Variants in ANK2 observed in about 807,000 individuals in gnomAD.
ANK2 encodes the protein ankyrin-2.
A neutral mutation model predicts 360.5 loss-of-function variants in ANK2; 83 were observed. The observed-to-expected ratio is 0.23, with a 90% CI of 0.19 to 0.28. The LOEUF (loss-of-function observed/expected upper bound fraction) is 0.28, where lower values mean the gene tolerates loss of function less well. ANK2 is among the 10% of genes least tolerant of loss of function. ANK2 has a pLI of 1.00. For missense variants in ANK2, 4,201 were observed against 4,795.7 expected, an observed-to-expected ratio of 0.88 and a Z score of 3.66; for synonymous variants, 1,740 against 1,759.5, an observed-to-expected ratio of 0.99 and a Z score of 0.28.
At chr4:113,170,858 G>T (rs570415555) in intron 1 of ANK2, among the ~76,000 whole-genome samples, 1 of 152,238 alleles carries the variant, frequency 6.6e-6, no homozygotes, top group East Asian at 1.9e-4. Context: ...TATAAAGGGG[G>T]CAAGTTTTAA....
At position 112,998,790 on chromosome 4, in the gene ANK2, G is replaced by A. The variant is rs149342473; in HGVS notation, c.21+94276G>A. 2.4e-4 allele frequency among the ~76,000 whole-genome samples: 37 copies of A among 152,246 alleles called. 1 individual carries two copies. In the East Asian group the frequency reaches 3.9e-3, roughly 16 times the overall value. ...AAATAAGCATATAGTACACAGCATTGCCTAAACATGTTTGATCACAGCACC... is the reference window on the plus strand; with the variant it reads ...AAATAAGCATATAGTACACAGCATTACCTAAACATGTTTGATCACAGCACC... On this transcript the variant is annotated intron_variant, in intron 2 of 30. Transcript: ENST00000503271.
intron 2 of ANK2, among the ~76,000 whole-genome samples, chr4:112,954,665 A>C (rs1255724960): frequency 6.6e-6 from 1 of 152,220 alleles, no homozygotes; most frequent in Non-Finnish European, 1.5e-5. Flanking sequence ...TAAATAAATA[A>C]GAATAGCAAA....
At chr4:112,799,705 C>G in the ANK2 span, among the ~76,000 whole-genome samples, 1 of 151,730 alleles carries the variant, frequency 6.6e-6, no homozygotes, top group Non-Finnish European at 1.5e-5. Flanking sequence ...TTAGTAGAGA[C>G]AGGGTTTTGC....
At chr4:113,260,178 C>T (rs990856899) in intron 13 of ANK2, among the ~76,000 whole-genome samples, 13 of 152,248 alleles carry the variant, frequency 8.5e-5, no homozygotes, top group African/African-American at 3.1e-4. Flanking sequence ...TTTGTGGCCA[C>T]TCTTACTTTG....
chr4:112,850,621 A>C (rs1380839962), intron 1 of ANK2, among the ~76,000 whole-genome samples: 2 of 138,518 alleles, frequency 1.4e-5, no homozygotes, highest in African/African-American at 5.5e-5. Flanking sequence ...GATTCACACC[A>C]TTCTCCTGCC....
intron 22 of ANK2, among the ~76,000 whole-genome samples, chr4:113,299,670 A>G (rs1363739115): frequency 6.7e-6 from 1 of 149,634 alleles, no homozygotes; most frequent in Non-Finnish European, 1.5e-5. Flanking sequence ...GTGCCATTGC[A>G]CTCCAGCCTG....
At position 113,354,155 on chromosome 4, in the gene ANK2, C is replaced by T. The variant is rs1563997337; in HGVS notation, c.5537C>T (p.Ser1846Leu). 6.2e-7 allele frequency: 1 copy of T among 1,614,030 alleles called. No homozygotes were observed. Among genetic ancestry groups the T allele is most frequent in the Admixed American group, 1.7e-5 (1 of 59,990 alleles). Reference sequence around the variant, plus strand: ...AAAACTGAAAGGCACCCTCCAGTATCACCATCAAGTAAAACTGAGAAACAC... The same window carrying T: ...AAAACTGAAAGGCACCCTCCAGTATTACCATCAAGTAAAACTGAGAAACAC... The part of the protein sequence containing the change: ...SAKTERHPPV[S>L]PSSKTEKHSP... Residue 1846 changes from serine to leucine, a missense_variant, in exon 38 of 46, where the codon TCA becomes TTA. Around this residue, in one of 4 missense-constraint regions of ANK2, gnomAD observed 2,642 missense variants for 2,714.5 expected, o/e 0.97. Coordinates refer to ENST00000357077, the MANE Select transcript of ANK2 (RefSeq NM_001148.6).
At chr4:113,253,084 C>T (rs932490570) in intron 10 of ANK2, among the ~76,000 whole-genome samples, 1 of 152,222 alleles carries the variant, frequency 6.6e-6, no homozygotes, top group Admixed American at 6.5e-5. Flanking sequence ...CCATATCTAT[C>T]CATATCTATC....
chr4:112,827,674 C>G, intron 1 of ANK2: 2 of 663,118 alleles, frequency 3.0e-6, no homozygotes. Flanking sequence ...CATTGTTGCA[C>G]TGTTCTGAAA....
chr4:112,969,160 G>A (rs1384713497), intron 2 of ANK2, among the ~76,000 whole-genome samples: 1 of 152,142 alleles, frequency 6.6e-6, no homozygotes, highest in Non-Finnish European at 1.5e-5. Context: ...ATGAATGATG[G>A]TATCTAAACC....
At position 113,258,494 on chromosome 4, in the gene ANK2, G is replaced by A. The variant is rs373424405; in HGVS notation, c.1386+83G>A. 8.1e-5 allele frequency: 109 copies of A among 1,351,376 alleles called. No individual in the cohort carries two copies. The African/African-American group carries it at 1.0e-3, about 13-fold the overall frequency. The allele number at this position is 1,351,376 out of a possible 1,614,324, so 83.7% of individuals were successfully genotyped here. ...TGTGGGTGTGTGTATGTGTGTTTGC[G>A]TGTATGTCATCGAAGTAAGCAACCA... is the stretch of plus-strand genomic sequence containing the variant. On this transcript the variant is annotated intron_variant, in intron 13 of 45. Transcript: ENST00000357077.
chr4:113,230,147 TACA>T (rs1179639148), intron 4 of ANK2, among the ~76,000 whole-genome samples: 1 of 152,172 alleles, frequency 6.6e-6, no homozygotes, highest in Non-Finnish European at 1.5e-5. Flanking sequence ...TCCTGAATCC[TACA>T]ACGTTGTTAA....
intron 1 of ANK2, among the ~76,000 whole-genome samples, chr4:113,162,013 A>G (rs2097555338): frequency 6.6e-6 from 1 of 152,228 alleles, no homozygotes; most frequent in South Asian, 2.1e-4. Flanking sequence ...TCCCTACTCT[A>G]CAGTGACAGC....
intron 2 of ANK2, among the ~76,000 whole-genome samples, chr4:112,947,666 C>T (rs935021636): frequency 1.1e-4 from 16 of 152,200 alleles, no homozygotes; most frequent in African/African-American, 3.6e-4. Flanking sequence ...AGGTGTTTCA[C>T]TAATAGCTGT....
At chr4:112,809,367 C>G in the ANK2 span, among the ~76,000 whole-genome samples, 1 of 150,470 alleles carries the variant, frequency 6.6e-6, no homozygotes, top group Non-Finnish European at 1.5e-5. Context: ...CGAGACCATT[C>G]TGGCTAACAC....
chr4:113,350,655 T>C (rs1181311366), intron 37 of ANK2: 1 of 184,440 alleles, frequency 5.4e-6, no homozygotes, highest in African/African-American at 2.4e-5. Flanking sequence ...AGAGAGCTCA[T>C]TATTTTTGTA....
intron 2 of ANK2, among the ~76,000 whole-genome samples, chr4:113,177,033 A>G (rs1019166779): frequency 6.6e-6 from 1 of 152,138 alleles, no homozygotes; most frequent in African/African-American, 2.4e-5. Context: ...TCTATCATTG[A>G]TGGACATTTG....
At chr4:113,285,916 GT>G (rs767933686) in intron 18 of ANK2, among the ~76,000 whole-genome samples, 5 of 152,182 alleles carry the variant, frequency 3.3e-5, no homozygotes, top group Non-Finnish European at 5.9e-5. Flanking sequence ...GGCTATGGGA[GT>G]TATGAGACAG....
chr4:113,024,072 T>A (rs1216040585), intron 2 of ANK2, among the ~76,000 whole-genome samples: 1 of 152,098 alleles, frequency 6.6e-6, no homozygotes, highest in Non-Finnish European at 1.5e-5. Flanking sequence ...ATTATAGTAA[T>A]GTTACGCATA....
Sources: gnomAD v4.1 joint callset for allele counts (sites outside exome capture counted in the v4.1 genomes callset) on GRCh38, gnomAD v4.1.1 for gene constraint, gnomAD v4.1.1 regional missense constraint, MANE v1.5 for transcripts, NCBI Gene and HGNC (gene_info 2026-07-23, HGNC 2026-07-21) for gene names.